Variants in HTRA2 observed in about 807,000 individuals in gnomAD.
The protein encoded by HTRA2 is serine protease HTRA2, mitochondrial.
HTRA2 carries 24 observed loss-of-function variants against 42.2 expected under a neutral mutation model. The ratio of observed to expected loss-of-function variants is 0.57; its 90% CI spans 0.41 to 0.80. HTRA2 has a LOEUF of 0.80. HTRA2 is among the 30% of genes least tolerant of loss of function. The pLI is 0.00. For missense variants in HTRA2, 466 were observed against 613.5 expected, an observed-to-expected ratio of 0.76 and a Z score of 2.54; for synonymous variants, 245 against 255.8, an observed-to-expected ratio of 0.96 and a Z score of 0.40.
At position 74,530,898 on chromosome 2, in the gene HTRA2, C is replaced by G. The variant is rs1675544878; in HGVS notation, c.712-13C>G. On this transcript the variant is annotated splice_polypyrimidine_tract_variant and intron_variant, in intron 2 of 7. Transcript: ENST00000258080. This position sits in a 1 kb window ranked among gnomAD's most constrained non-coding sequence, Gnocchi z 7.4. ...CTTCAGATGACAGGTCTCTTTTACC[C>G]ATTCTCCCTTAGGAGCCTCTCCCCA... 1 of 1,614,024 alleles carries G rather than the reference C, an allele frequency of 6.2e-7. No individual in the cohort carries two copies. The highest frequency in any genetic ancestry group is 8.5e-7 in the Non-Finnish European group (1 of 1,180,042).
rs776146015 is a variant in HTRA2 at position 74,530,228 on chromosome 2, T to C, written c.222T>C (p.Ser74=). 2.5e-6 allele frequency: 4 copies of C among 1,610,160 alleles called. No homozygotes were observed. The change falls in exon 1 of 8, where the codon TCT becomes TCC. Residue 74 remains serine, a synonymous_variant. Transcript: ENST00000258080. The surrounding 1 kb of genome is among the most constrained non-coding windows in gnomAD (Gnocchi z 7.4). ...CTGAACCCCGAGCATGCCTGACGTC[T>C]GGGACCCCGGGTCCCCGGGCACAAC... The part of the protein sequence containing the change: ...GVTEPRACLT[S]GTPGPRAQLT...
At position 74,530,591 on chromosome 2, in the gene HTRA2, T is replaced by C; in HGVS notation, c.507-26T>C. Reference sequence around the variant, plus strand: ...GGGTAGGAGGGGTCAGAGCCTCCTCTTATCTGTGCTTTCCCTCCATTTCAG... The same window carrying C: ...GGGTAGGAGGGGTCAGAGCCTCCTCCTATCTGTGCTTTCCCTCCATTTCAG... On this transcript the variant is annotated intron_variant, in intron 1 of 7. Transcript: ENST00000258080. The surrounding 1 kb of genome is among the most constrained non-coding windows in gnomAD (Gnocchi z 7.4). The C allele has an allele frequency of 6.2e-7, 1 of 1,613,892 alleles. No individual in the cohort carries two copies. Among genetic ancestry groups the C allele is most frequent in the Non-Finnish European group, 8.5e-7 (1 of 1,180,014 alleles).
upstream of HTRA2, chr2:74,529,760 CGGAAGG>C: frequency 6.7e-7 from 1 of 1,490,242 alleles, no homozygotes; most frequent in South Asian, 1.3e-5. Flanking sequence ...TGAGGCGCGC[CGGAAGG>C]GCTAGCGGTC....
At chr2:74,529,656 G>T (rs1467910467), upstream of HTRA2, 2 of 1,546,534 alleles carry the variant, frequency 1.3e-6, no homozygotes, top group Non-Finnish European at 1.7e-6. Context: ...GCGCCCGGCC[G>T]TCGCCGCCGC....
chr2:74,529,651 C>G (rs771102811), upstream of HTRA2: 4 of 1,548,058 alleles, frequency 2.6e-6, no homozygotes. Flanking sequence ...CAGGAGCGCC[C>G]GGCCGTCGCC....
chr2:74,532,159 C>T (rs1675659642), intron 6 of HTRA2, among the ~76,000 whole-genome samples: 1 of 152,178 alleles, frequency 6.6e-6, no homozygotes, highest in African/African-American at 2.4e-5. Context: ...GCCTTCAATC[C>T]ATTAACTTGG....
At chr2:74,529,415 G>A (rs1168743551), upstream of HTRA2, 13 of 1,595,342 alleles carry the variant, frequency 8.1e-6, no homozygotes, top group Admixed American at 1.8e-5. Context: ...CGTGGATCCC[G>A]AGAAAGAGGC....
At position 74,530,658 on chromosome 2, in the gene HTRA2, C is replaced by G; in HGVS notation, c.548C>G (p.Ser183Ter). The G allele has an allele frequency of 3.1e-6, 5 of 1,614,146 alleles. No homozygotes were observed. The highest frequency in any genetic ancestry group is 4.2e-6 in the Non-Finnish European group (5 of 1,180,034). Residue 183 changes from serine to a stop codon, truncating the protein, a stop_gained, in exon 2 of 8, where the codon TCA becomes TGA. Transcript: ENST00000258080. LOFTEE classifies it high-confidence loss of function. This position sits in a 1 kb window ranked among gnomAD's most constrained non-coding sequence, Gnocchi z 7.4. ...CGCGAGGTCCCTATCTCGAACGGCT[C>G]AGGATTCGTGGTGGCTGCCGATGGG... is the stretch of plus-strand genomic sequence containing the variant. Reference protein sequence around the residue: ...LGREVPISNGSGFVVAADGLI... With the variant: ...LGREVPISNG
rs776113129 is a variant in HTRA2 at position 74,530,932 on chromosome 2, C to T, written c.733C>T (p.Leu245=). 1 of 1,614,222 alleles carries T rather than the reference C, an allele frequency of 6.2e-7. No individual in the cohort carries two copies. The highest frequency in any genetic ancestry group is 8.5e-7 in the Non-Finnish European group (1 of 1,180,038). Residue 245 remains leucine, a synonymous_variant, in exon 3 of 8, where the codon CTG becomes TTG. Coordinates refer to ENST00000258080, the MANE Select transcript of HTRA2 (RefSeq NM_013247.5). The surrounding 1 kb of genome is among the most constrained non-coding windows in gnomAD (Gnocchi z 7.4). ...QTKEPLPTLP[L]GRSADVRQGE... is the part of the protein sequence containing the mutation. Reference sequence around the variant, plus strand: ...TTAGGAGCCTCTCCCCACGCTGCCTCTGGGACGCTCAGCTGATGTCCGGCA... The same window carrying T: ...TTAGGAGCCTCTCCCCACGCTGCCTTTGGGACGCTCAGCTGATGTCCGGCA...
Position 74,532,802 on chromosome 2 carries a change from G to C in HTRA2, c.1212-18G>C. The C allele has an allele frequency of 1.2e-6, 2 of 1,614,124 alleles. No individual in the cohort carries two copies. The highest frequency in any genetic ancestry group is 1.1e-5 in the South Asian group (1 of 91,072). ...GCTTTGTACTCCTTCCTTTCTCTCT[G>C]TCCATTTTTCTCTATAGGGCTGGTC... On this transcript the variant is annotated intron_variant, in intron 7 of 7. Transcript: ENST00000258080.
In HTRA2 at chr2:74,530,066, G is replaced by A. The variant is rs1675471448; in HGVS notation, c.60G>A (p.Leu20=). 5 of 1,589,774 alleles carry A rather than the reference G, an allele frequency of 3.1e-6. No individual in the cohort carries two copies. The highest frequency in any genetic ancestry group is 4.3e-6 in the Non-Finnish European group (5 of 1,162,596). ...GGAGCCTTCGGGCATGGCGGGCTTTGGGGGGCATTCGCTGGGGGAGGAGAC... is the reference window on the plus strand; with the variant it reads ...GGAGCCTTCGGGCATGGCGGGCTTTAGGGGGCATTCGCTGGGGGAGGAGAC... ...AGWSLRAWRA[L]GGIRWGRRPR... Residue 20 remains leucine, a synonymous_variant, in exon 1 of 8, where the codon TTG becomes TTA. Transcript: ENST00000258080. The surrounding 1 kb of genome is among the most constrained non-coding windows in gnomAD (Gnocchi z 7.4).
chr2:74,533,427 A>G (rs1431994397), downstream of HTRA2: 7 of 606,246 alleles, frequency 1.2e-5, no homozygotes, highest in Non-Finnish European at 1.8e-5. Context: ...TTGGCTACAG[A>G]TACTGACAGC....
In HTRA2 at chr2:74,529,973, T is replaced by C. The variant is rs1312456320; in HGVS notation, c.-34T>C. The C allele has an allele frequency of 2.7e-6, 4 of 1,509,312 alleles. No homozygotes were observed. The South Asian group carries it at 3.9e-5, about 15-fold the overall frequency. 93.5% of individuals were successfully genotyped at this position (1,509,312 alleles called of 1,614,324 possible). On this transcript the variant is annotated 5_prime_UTR_variant, in exon 1 of 8. Transcript: ENST00000258080. ...TCGCGTCCTGGGTGCCGCCTCTGAG[T>C]AGGGCGGGCGAGGAGGCAGCCAAGG... is the stretch of plus-strand genomic sequence containing the variant.
chr2:74,529,424 G>A (rs759469312), upstream of HTRA2: 7 of 1,586,988 alleles, frequency 4.4e-6, no homozygotes, highest in East Asian at 2.3e-5. Context: ...CGAGAAAGAG[G>A]CGCAGGACGA....
At position 74,530,943 on chromosome 2, in the gene HTRA2, A is replaced by G; in HGVS notation, c.744A>G (p.Ser248=). Residue 248 remains serine (S), a synonymous_variant, in exon 3 of 8, where the codon TCA becomes TCG. Coordinates refer to ENST00000258080, the MANE Select transcript of HTRA2 (RefSeq NM_013247.5). This position sits in a 1 kb window ranked among gnomAD's most constrained non-coding sequence, Gnocchi z 7.4. ...TCCCCACGCTGCCTCTGGGACGCTCAGCTGATGTCCGGCAAGGGGAGTTTG... is the reference window on the plus strand; with the variant it reads ...TCCCCACGCTGCCTCTGGGACGCTCGGCTGATGTCCGGCAAGGGGAGTTTG... The part of the protein sequence containing the change: ...EPLPTLPLGR[S]ADVRQGEFVV... 1 of 1,614,238 alleles carries G rather than the reference A, an allele frequency of 6.2e-7. No homozygotes were observed. Among genetic ancestry groups the G allele is most frequent in the Admixed American group, 1.7e-5 (1 of 60,020 alleles).
chr2:74,532,036 A>G (rs1329505177), intron 6 of HTRA2, 111 bp downstream of exon 6: 1 of 1,035,904 alleles, frequency 9.7e-7, no homozygotes, highest in Middle Eastern at 2.4e-4. Flanking sequence ...ACTGTGTCAC[A>G]CTTGAAATAA....
rs1050331825 is a variant in HTRA2 at position 74,532,788 on chromosome 2, C to T, written c.1212-32C>T. 5 of 1,613,508 alleles carry T rather than the reference C, an allele frequency of 3.1e-6. No homozygotes were observed. The Admixed American group carries it at 6.7e-5, about 22-fold the overall frequency. ...TGTCCTTGAACTAGGCTTTGTACTC[C>T]TTCCTTTCTCTCTGTCCATTTTTCT... On this transcript the variant is annotated intron_variant, in intron 7 of 7. Transcript: ENST00000258080.
Position 74,530,436 on chromosome 2 carries a change from C to T in HTRA2, c.430C>T (p.Arg144Trp), listed in dbSNP as rs1411995610. 6.2e-7 allele frequency: 1 copy of T among 1,605,018 alleles called. No individual in the cohort carries two copies. The highest frequency in any genetic ancestry group is 2.2e-5 in the East Asian group (1 of 44,816). Residue 144 changes from arginine to tryptophan, a missense_variant, in exon 1 of 8, where the codon CGG (arginine) becomes TGG (tryptophan). Physicochemically the swap from Arg to Trp is moderately radical, Grantham distance 101. Transcript: ENST00000258080. This position sits in a 1 kb window ranked among gnomAD's most constrained non-coding sequence, Gnocchi z 7.4. The stretch of plus-strand genomic sequence containing the variant: ...CCCTAGCCCGCCGCCCGCTTCTCCC[C>T]GGAGTCAGTACAACTTCATCGCAGA... ...AVPSPPPASP[R>W]SQYNFIADVV... is the part of the protein sequence containing the mutation.
upstream of HTRA2, chr2:74,529,644 G>A (rs371791263): frequency 2.3e-4 from 354 of 1,554,500 alleles, 2 homozygotes; most frequent in Middle Eastern, 8.8e-4. Context: ...GCTGCTTCAG[G>A]AGCGCCCGGC....
Sources: allele counts gnomAD v4.1 joint callset (sites outside exome capture counted in the v4.1 genomes callset), GRCh38; gene constraint gnomAD v4.1.1; non-coding constraint Gnocchi (gnomAD v3.1); transcripts MANE v1.5; gene names NCBI Gene and HGNC (gene_info 2026-07-23, HGNC 2026-07-21).